Variants in KIZ observed in about 807,000 individuals in gnomAD.
KIZ encodes centrosomal protein kizuna.
A neutral mutation model predicts 79.6 loss-of-function variants in KIZ; 68 were observed. That is an observed-to-expected ratio of 0.85 (90% confidence interval 0.70 to 1.05). The LOEUF (loss-of-function observed/expected upper bound fraction) is 1.05, where lower values mean the gene tolerates loss of function less well. Ranked by LOEUF, KIZ falls within the 50% of genes least tolerant of loss-of-function variation. The probability of loss-of-function intolerance (pLI) is 0.00; values close to 1 mark genes in which losing one functional copy is unlikely to be tolerated. For missense variants in KIZ, 797 were observed against 800.4 expected (o/e 1.00, Z 0.05); for synonymous variants, 280 against 281.8 (o/e 0.99, Z 0.06).
At chr20:21,202,622 T>C (rs555105776) in intron 6 of KIZ, among the ~76,000 whole-genome samples, 1 of 152,334 alleles carries the variant, frequency 6.6e-6, no homozygotes, top group East Asian at 1.9e-4. Context: ...TTCTGAACTG[T>C]ACCTAGACTT....
At chr20:21,240,683 G>A (rs1431596339) in intron 11 of KIZ, among the ~76,000 whole-genome samples, 8 of 151,048 alleles carry the variant, frequency 5.3e-5, no homozygotes, top group Non-Finnish European at 8.9e-5. Flanking sequence ...CCCTTGGGCC[G>A]TGCCCAGGCC....
chr20:21,161,699 T>G (rs1174028404), intron 4 of KIZ, among the ~76,000 whole-genome samples, 172 bp from the exon 5 acceptor site: 1 of 152,168 alleles, frequency 6.6e-6, no homozygotes, highest in Non-Finnish European at 1.5e-5. Flanking sequence ...TGGACTTTAC[T>G]GCTTTTTGCT....
chr20:21,198,894 C>T (rs1159267630), intron 6 of KIZ: 2 of 152,508 alleles, frequency 1.3e-5, no homozygotes, highest in East Asian at 1.9e-4. Context: ...TCCTTTACAA[C>T]GTAGTGGAAG....
chr20:21,226,092 CTGTTT>C (rs1172233865), intron 9 of KIZ: 2 of 152,174 alleles, frequency 1.3e-5, no homozygotes, highest in African/African-American at 4.8e-5. Flanking sequence ...CAAATATGTT[CTGTTT>C]TGTCTGTGCA....
intron 9 of KIZ, among the ~76,000 whole-genome samples, chr20:21,221,211 A>G (rs895420994): frequency 1.3e-5 from 2 of 152,190 alleles, no homozygotes; most frequent in Non-Finnish European, 2.9e-5. Context: ...TTGTATTCAC[A>G]CTAAATTTAC....
chr20:21,232,820 C>G lies in KIZ; in HGVS notation c.1870C>G (p.Pro624Ala). 1.3e-6 allele frequency: 2 copies of G among 1,519,888 alleles called. No homozygotes were observed. Among genetic ancestry groups the G allele is most frequent in the Middle Eastern group, 1.7e-4 (1 of 5,888 alleles). The allele number at this position is 1,519,888 out of a possible 1,614,324, so 94.2% of individuals were successfully genotyped here. ...TAGTTTTTCATCTAGTGAAGGAAGT[C>G]CTTTGTCAAGGTAAAGTTGTGAAAG... The part of the protein sequence containing the change: ...EASFSSSEGS[P>A]LSRHENKKKP... The change falls in exon 11 of 13, where the codon CCT becomes GCT. Residue 624 changes from proline (P) to alanine (A), a missense_variant. Physicochemically the swap from Pro to Ala is conservative, Grantham distance 27. Transcript: ENST00000619189.
intron 11 of KIZ, among the ~76,000 whole-genome samples, chr20:21,242,052 C>T (rs2037236780): frequency 6.6e-6 from 1 of 152,164 alleles, no homozygotes; most frequent in South Asian, 2.1e-4. Context: ...TCCAAGTGAA[C>T]ATACTCATTA....
At chr20:21,176,084 T>A (rs2034419003) in intron 6 of KIZ, among the ~76,000 whole-genome samples, 1 of 152,082 alleles carries the variant, frequency 6.6e-6, no homozygotes, top group Non-Finnish European at 1.5e-5. Context: ...CCAAGACAAG[T>A]GGATCACCTG....
intron 5 of KIZ, 57 bp downstream of exon 5, chr20:21,162,564 T>C: frequency 7.5e-7 from 1 of 1,327,952 alleles, no homozygotes; most frequent in Non-Finnish European, 1.0e-6. Flanking sequence ...TGATCTTATG[T>C]AAGGACAAAA....
intron 4 of KIZ, among the ~76,000 whole-genome samples, chr20:21,150,442 T>C (rs1486462557): frequency 6.6e-6 from 1 of 152,228 alleles, no homozygotes; most frequent in Non-Finnish European, 1.5e-5. Context: ...AAAATCTCCC[T>C]AGACGGGGGC....
chr20:21,237,707 G>A (rs6047319), intron 11 of KIZ, among the ~76,000 whole-genome samples: 100,575 of 152,118 alleles, frequency 0.66, 33,393 homozygotes, highest in South Asian at 0.79. Flanking sequence ...TTTCCTAAGC[G>A]GAGACCTGGC....
chr20:21,194,039 G>A (rs1600503212), intron 6 of KIZ: 2 of 152,108 alleles, frequency 1.3e-5, no homozygotes, highest in African/African-American at 4.8e-5. Flanking sequence ...AAAAATCCCT[G>A]TACCTTAATT....
intron 6 of KIZ, among the ~76,000 whole-genome samples, chr20:21,178,308 A>T (rs536320301): frequency 6.6e-6 from 1 of 152,014 alleles, no homozygotes; most frequent in East Asian, 1.9e-4. Flanking sequence ...AATTAAGTTT[A>T]TTTCTAAGTA....
At chr20:21,232,595 C>T (rs1293293004) in intron 10 of KIZ, 139 bp from the exon 11 acceptor site, 1 of 590,180 alleles carries the variant, frequency 1.7e-6, no homozygotes, top group Non-Finnish European at 3.1e-6. Context: ...TCAGAAGCTC[C>T]CTTGCCTTCT....
At chr20:21,200,013 GT>G (rs1056622068) in intron 6 of KIZ, among the ~76,000 whole-genome samples, 1 of 152,092 alleles carries the variant, frequency 6.6e-6, no homozygotes, top group African/African-American at 2.4e-5. Context: ...AGAAGATGGG[GT>G]TTTACCGTGT....
At chr20:21,154,870 C>T (rs766655375) in intron 4 of KIZ, among the ~76,000 whole-genome samples, 2 of 152,168 alleles carry the variant, frequency 1.3e-5, no homozygotes, top group Non-Finnish European at 2.9e-5. Flanking sequence ...AGAAGAGACA[C>T]CTGTCTTAGA....
chr20:21,191,362 C>T (rs1344929163), intron 6 of KIZ, among the ~76,000 whole-genome samples: 2 of 152,182 alleles, frequency 1.3e-5, no homozygotes, highest in East Asian at 1.9e-4. Flanking sequence ...GCAGACACAA[C>T]TGCTTATAAA....
rs371886557 is a variant in KIZ, at chr20:21,231,004, GTTA to G, written c.1784-1727_1784-1725del. 2.7e-3 allele frequency among the ~76,000 whole-genome samples: 411 copies of G among 152,326 alleles called. 2 individuals are homozygous for G. The highest frequency in any genetic ancestry group is 9.4e-3 in the African/African-American group (389 of 41,576). On this transcript the variant is annotated intron_variant, in intron 10 of 12. Coordinates refer to ENST00000619189, the MANE Select transcript of KIZ (RefSeq NM_018474.6). Reference sequence around the variant, plus strand: ...CTCCACACGTCTGTTTCTGGTAAGTGTTATTTTCAGTAGTTAATTGGACAAATG... The same window carrying G: ...CTCCACACGTCTGTTTCTGGTAAGTGTTTTCAGTAGTTAATTGGACAAATG...
chr20:21,207,385 A>G (rs1442956580), intron 7 of KIZ, among the ~76,000 whole-genome samples: 1 of 151,382 alleles, frequency 6.6e-6, no homozygotes, highest in Non-Finnish European at 1.5e-5. Context: ...CCACAACCCA[A>G]ATTCACATAT....
Sources: gnomAD v4.1 joint callset for allele counts (sites outside exome capture counted in the v4.1 genomes callset) on GRCh38, gnomAD v4.1.1 for gene constraint, MANE v1.5 for transcripts, NCBI Gene and HGNC (gene_info 2026-07-23, HGNC 2026-07-21) for gene names.